CEP89: variants seen among roughly 807,000 people sequenced by gnomAD.
CEP89 encodes centrosomal protein of 89 kDa.
In CEP89, 95 loss-of-function variants were observed where a neutral mutation model predicts 97.6. The observed-to-expected ratio is 0.97, with a 90% CI of 0.82 to 1.15. The LOEUF is 1.15. Ranked by LOEUF, CEP89 falls within the 50% of genes most tolerant of loss-of-function variation. CEP89 has a pLI of 0.00. For synonymous variants in CEP89, 354 were observed against 349.1 expected, an observed-to-expected ratio of 1.01 and a Z score of -0.16; for missense variants, 869 against 947.7, an observed-to-expected ratio of 0.92 and a Z score of 1.09.
rs770061048 is a variant in CEP89, at chr19:32,931,504, C to A, written c.954G>T (p.Leu318Phe). ...CATTCAAACGATGGACAGTCATTTT[C>A]AATCCATCATTTTCATCCACCAGTT... ...AQELVDENDG[L>F]KMTVHRLNVE... The change falls in exon 9 of 19, where the codon TTG becomes TTT. Residue 318 changes from leucine (L) to phenylalanine (F), a missense_variant. Leu to Phe is a conservative substitution (Grantham distance 22, BLOSUM62 0). Coordinates refer to ENST00000305768, the MANE Select transcript of CEP89 (RefSeq NM_032816.5). The A allele has an allele frequency of 1.1e-5, 18 of 1,590,308 alleles. No individual in the cohort carries two copies. Among genetic ancestry groups the A allele is most frequent in the Non-Finnish European group, 1.7e-6 (2 of 1,174,626 alleles).
At chr19:32,964,764 G>A (rs1457743664) in intron 2 of CEP89, among the ~76,000 whole-genome samples, 1 of 152,160 alleles carries the variant, frequency 6.6e-6, no homozygotes, top group East Asian at 1.9e-4. Flanking sequence ...GGGATGAACA[G>A]GAGCATGAAA....
At chr19:32,914,776 C>G (rs1238506594) in intron 14 of CEP89, among the ~76,000 whole-genome samples, 1 of 152,046 alleles carries the variant, frequency 6.6e-6, no homozygotes, top group Non-Finnish European at 1.5e-5. Context: ...AATTCCAGCA[C>G]TTTGGGAGGT....
rs1161168961 is a variant in CEP89, at chr19:32,936,778, G to A, written c.667+853C>T. 6.6e-6 allele frequency among the ~76,000 whole-genome samples: 1 copy of A among 152,122 alleles called. No homozygotes were observed. The highest frequency in any genetic ancestry group is 2.4e-5 in the African/African-American group (1 of 41,412). On this transcript the variant is annotated intron_variant, in intron 7 of 18. Transcript: ENST00000305768. The surrounding 1 kb of genome is among the most constrained non-coding windows in gnomAD (Gnocchi z 4.5). ...GCTGGTCAGAATAACCAGCTGCAGA[G>A]AAGAACAACCCTCTCCAGGGCTTCC...
At chr19:32,918,884 C>CTTTTTTTTTTT (rs11339528) in intron 12 of CEP89, among the ~76,000 whole-genome samples, 4 of 117,642 alleles carry the variant, frequency 3.4e-5, no homozygotes, top group Non-Finnish European at 6.9e-5. Flanking sequence ...TTTTCTTTTT[C>CTTTTTTTTTTT]TTTTTTTTTT....
At chr19:32,910,286 A>C (rs1198514187) in intron 14 of CEP89, among the ~76,000 whole-genome samples, 1 of 145,654 alleles carries the variant, frequency 6.9e-6, no homozygotes, top group East Asian at 2.2e-4. Flanking sequence ...AGAGAGAGAG[A>C]GAGCGAGAGA....
Position 32,927,044 on chromosome 19 carries a change from C to T in CEP89, c.1030-60G>A. 3 of 1,425,836 alleles carry T rather than the reference C, an allele frequency of 2.1e-6. No individual in the cohort carries two copies. In the Admixed American group the frequency reaches 5.2e-5, roughly 25 times the overall value. The allele number at this position is 1,425,836 out of a possible 1,614,324, so 88.3% of individuals were successfully genotyped here. On this transcript the variant is annotated intron_variant, in intron 9 of 18. Coordinates refer to ENST00000305768, the MANE Select transcript of CEP89 (RefSeq NM_032816.5). Reference sequence around the variant, plus strand: ...CCACACTTCCTCTGAATTTTCAAGTCTTAGATATTCTTAATCTAGACTGGG... The same window carrying T: ...CCACACTTCCTCTGAATTTTCAAGTTTTAGATATTCTTAATCTAGACTGGG...
chr19:32,968,600 TC>T (rs1971333435), intron 1 of CEP89, among the ~76,000 whole-genome samples: 1 of 151,606 alleles, frequency 6.6e-6, no homozygotes. Context: ...CAGCAGGTCC[TC>T]CAAAAAGGCT....
intron 2 of CEP89, among the ~76,000 whole-genome samples, chr19:32,960,499 T>C (rs1971144136): frequency 6.6e-6 from 1 of 152,106 alleles, no homozygotes; most frequent in East Asian, 1.9e-4. Context: ...GTAAACAGAT[T>C]TACCCTCCTG....
intron 17 of CEP89, among the ~76,000 whole-genome samples, chr19:32,887,017 A>C (rs1969412465): frequency 7.7e-6 from 1 of 130,550 alleles, no homozygotes; most frequent in Non-Finnish European, 1.7e-5. Context: ...CTCTAAACAA[A>C]AAAAAAAAAT....
intron 9 of CEP89, among the ~76,000 whole-genome samples, chr19:32,928,337 C>T (rs548773754): frequency 1.3e-5 from 2 of 152,142 alleles, no homozygotes; most frequent in African/African-American, 4.8e-5. Flanking sequence ...TTAAAGAGTA[C>T]TGGTTTCTTT....
At chr19:32,915,607 G>T in intron 13 of CEP89, 90 bp from the exon 14 acceptor site, 2 of 1,174,376 alleles carry the variant, frequency 1.7e-6, no homozygotes, top group Non-Finnish European at 2.4e-6. Flanking sequence ...ATGAGAGTCA[G>T]CTGATAAAAA....
chr19:32,966,304 A>T (rs1012140230), intron 2 of CEP89, 56 bp downstream of exon 2: 22 of 964,480 alleles, frequency 2.3e-5, no homozygotes, highest in Non-Finnish European at 2.8e-5. Flanking sequence ...TCCAGGATCC[A>T]GTACTTGGAG....
At chr19:32,942,783 G>A (rs1970713591) in intron 5 of CEP89, among the ~76,000 whole-genome samples, 1 of 151,764 alleles carries the variant, frequency 6.6e-6, no homozygotes, top group Non-Finnish European at 1.5e-5. Flanking sequence ...TAAAATAACA[G>A]CAAAAGGCTT....
chr19:32,964,196 TAA>T (rs937444724), intron 2 of CEP89, among the ~76,000 whole-genome samples: 4 of 151,498 alleles, frequency 2.6e-5, no homozygotes, highest in Non-Finnish European at 5.9e-5. Context: ...TTTTGAGATA[TAA>T]GTCTCGCTTT....
Position 32,959,885 on chromosome 19 carries a change from C to A in CEP89, c.305+15G>T. ...CCACTCTCAGAGGAAGCAGAGGCGG[C>A]GATCTGGTACCTACCGAGGCCTCAG... On this transcript the variant is annotated intron_variant, in intron 3 of 18. Transcript: ENST00000305768. 1 of 1,613,320 alleles carries A rather than the reference C, an allele frequency of 6.2e-7. No homozygotes were observed. The highest frequency in any genetic ancestry group is 8.5e-7 in the Non-Finnish European group (1 of 1,179,396).
At chr19:32,906,006 A>G (rs990994338) in intron 14 of CEP89, among the ~76,000 whole-genome samples, 2 of 152,230 alleles carry the variant, frequency 1.3e-5, no homozygotes, top group Non-Finnish European at 2.9e-5. Flanking sequence ...CTACCTTGTT[A>G]GAGATTAAGA....
chr19:32,943,260 G>A (rs1403389551), intron 5 of CEP89, among the ~76,000 whole-genome samples: 1 of 152,204 alleles, frequency 6.6e-6, no homozygotes, highest in Non-Finnish European at 1.5e-5. Context: ...GCCTCCTAAA[G>A]TCCTGGGATC....
intron 14 of CEP89, among the ~76,000 whole-genome samples, chr19:32,912,394 G>A (rs1005831434): frequency 6.6e-6 from 1 of 152,086 alleles, no homozygotes; most frequent in African/African-American, 2.4e-5. Flanking sequence ...TCTCAGTAAT[G>A]TAGGTGAGCC....
In CEP89 at chr19:32,931,565, G is replaced by A. The variant is rs765925243; in HGVS notation, c.893C>T (p.Ala298Val). ...TTTTCGCAGATAAAGTAATTCAGGT[G>A]CAGCAACTAGGGAAAAAAATTTAAT... ...AEKASSQEVAAPELLYLRKQA... is the reference protein window; with the variant it reads ...AEKASSQEVAVPELLYLRKQA... The change falls in exon 9 of 19, where the codon GCA becomes GTA. Residue 298 changes from alanine (A) to valine (V), a missense_variant. By Grantham distance (64) the Ala-to-Val change is moderately conservative (BLOSUM62 0). Transcript: ENST00000305768. The A allele has an allele frequency of 3.2e-6, 5 of 1,577,556 alleles. No homozygotes were observed. Among genetic ancestry groups the A allele is most frequent in the Non-Finnish European group, 4.3e-6 (5 of 1,171,000 alleles).
Sources: allele counts gnomAD v4.1 joint callset (sites outside exome capture counted in the v4.1 genomes callset), GRCh38; gene constraint gnomAD v4.1.1; non-coding constraint Gnocchi (gnomAD v3.1); transcripts MANE v1.5; gene names NCBI Gene and HGNC (gene_info 2026-07-23, HGNC 2026-07-21).